The following RIMS2 variants were observed in gnomAD, a reference collection of about 807,000 sequenced individuals.
The protein encoded by RIMS2 is regulating synaptic membrane exocytosis protein 2.
Under a neutral mutation model 174.4 loss-of-function variants are expected in RIMS2, and 59 were observed. The observed-to-expected ratio is 0.34, with a 90% CI of 0.27 to 0.42. The LOEUF is 0.42. Ranked by LOEUF, RIMS2 falls within the 10% of genes least tolerant of loss-of-function variation. The pLI is 1.00. For synonymous variants in RIMS2, 606 were observed against 572.5 expected (o/e 1.06, Z -0.84); for missense variants, 1,620 against 1,666.3 (o/e 0.97, Z 0.48).
At chr8:103,849,656 T>C (rs183742402) in intron 3 of RIMS2, among the ~76,000 whole-genome samples, 2 of 151,984 alleles carry the variant, frequency 1.3e-5, no homozygotes, top group East Asian at 3.9e-4. Context: ...CCAGTGGAGG[T>C]GACTTCTGTT....
exon 4 of RIMS2, chr8:103,885,853 T>C (rs767938442): frequency 6.2e-7 from 1 of 1,612,904 alleles, no homozygotes; most frequent in South Asian, 1.1e-5. Flanking sequence ...CTCGAGAGGC[T>C]CAGGGACCAA....
chr8:103,778,994 A>G (rs1331456439), intron 3 of RIMS2, among the ~76,000 whole-genome samples: 1 of 152,130 alleles, frequency 6.6e-6, no homozygotes, highest in Non-Finnish European at 1.5e-5. Flanking sequence ...TTCTCTGATT[A>G]TTAGTGATGT....
At chr8:103,752,926 T>G (rs572083285) in intron 2 of RIMS2, among the ~76,000 whole-genome samples, 89 of 152,186 alleles carry the variant, frequency 5.8e-4, no homozygotes, top group Non-Finnish European at 1.1e-3. Context: ...TACCTTTTAT[T>G]TCCTTCTCCT....
At chr8:103,596,650 TA>T (rs2094489641) in intron 1 of RIMS2, among the ~76,000 whole-genome samples, 1 of 152,098 alleles carries the variant, frequency 6.6e-6, no homozygotes, top group Non-Finnish European at 1.5e-5. Context: ...CACTACCATG[TA>T]CTCCTTGTAC....
chr8:103,981,124 C>G (rs1376559013), intron 16 of RIMS2, among the ~76,000 whole-genome samples: 1 of 152,158 alleles, frequency 6.6e-6, no homozygotes, highest in African/African-American at 2.4e-5. Context: ...CGGCCTTGGG[C>G]AAGACCCAAT....
At chr8:103,747,063 A>G (rs1283592311) in intron 2 of RIMS2, among the ~76,000 whole-genome samples, 1 of 144,444 alleles carries the variant, frequency 6.9e-6, no homozygotes, top group Non-Finnish European at 1.5e-5. Flanking sequence ...TGCAAAGGAC[A>G]TGATCTTCTT....
chr8:104,084,327 G>C (rs568755078), intron 19 of RIMS2, among the ~76,000 whole-genome samples: 1 of 150,162 alleles, frequency 6.7e-6, no homozygotes, highest in Non-Finnish European at 1.5e-5. Context: ...TGTAATCCCA[G>C]CTACTTGGGA....
At chr8:103,620,645 G>A (rs938283446) in intron 1 of RIMS2, among the ~76,000 whole-genome samples, 1 of 151,446 alleles carries the variant, frequency 6.6e-6, no homozygotes, top group African/African-American at 2.4e-5. Context: ...ACCTAGTCCC[G>A]ATTCTTAGTT....
chr8:103,541,350 A>G (rs542126760), intron 1 of RIMS2, among the ~76,000 whole-genome samples: 1 of 152,374 alleles, frequency 6.6e-6, no homozygotes, highest in South Asian at 2.1e-4. Context: ...AAAGTGCTGA[A>G]GGAAGTATCT....
chr8:104,200,635 G>C (rs1034931740), intron 19 of RIMS2, among the ~76,000 whole-genome samples: 2 of 152,226 alleles, frequency 1.3e-5, no homozygotes, highest in African/African-American at 4.8e-5. Context: ...GAGGCCGGGC[G>C]TGGCGCTCAC....
chr8:104,040,160 A>T (rs1402829551), intron 19 of RIMS2, among the ~76,000 whole-genome samples: 1 of 151,706 alleles, frequency 6.6e-6, no homozygotes, highest in Non-Finnish European at 1.5e-5. Context: ...CTAAAGAGCT[A>T]TAATTTTAAT....
intron 19 of RIMS2, among the ~76,000 whole-genome samples, chr8:104,242,617 A>G (rs1206807381): frequency 1.3e-5 from 2 of 152,158 alleles, no homozygotes; most frequent in African/African-American, 4.8e-5. Context: ...AACTTTCTTG[A>G]ACAATAGTCC....
At chr8:103,756,390 G>GGT (rs567212258) in intron 2 of RIMS2, among the ~76,000 whole-genome samples, 16,403 of 112,372 alleles carry the variant, frequency 0.15, 1,230 homozygotes, top group Non-Finnish European at 0.2. Flanking sequence ...TGTTGTTTTT[G>GGT]TTTTTTTTTT....
intron 19 of RIMS2, among the ~76,000 whole-genome samples, chr8:104,098,980 C>T (rs1403587101): frequency 1.3e-5 from 2 of 152,128 alleles, no homozygotes. Flanking sequence ...TCTATTTTGT[C>T]TATCTAGGCT....
chr8:103,799,264 T>A (rs930413457), intron 3 of RIMS2, among the ~76,000 whole-genome samples: 4 of 152,196 alleles, frequency 2.6e-5, no homozygotes, highest in African/African-American at 9.7e-5. Flanking sequence ...GACAACAAAC[T>A]TGTGTTTTGA....
chr8:103,899,659 T>C (rs1267092391), intron 4 of RIMS2, among the ~76,000 whole-genome samples: 1 of 151,628 alleles, frequency 6.6e-6, no homozygotes, highest in Non-Finnish European at 1.5e-5. Context: ...TTTTCTCCCA[T>C]TCTGTAGGTT....
chr8:103,864,402 GA>G (rs2154503429), intron 3 of RIMS2, among the ~76,000 whole-genome samples: 1 of 152,186 alleles, frequency 6.6e-6, no homozygotes, highest in East Asian at 1.9e-4. Flanking sequence ...TCAAAAAGTT[GA>G]TTTCTGTGTT....
intron 1 of RIMS2, among the ~76,000 whole-genome samples, chr8:103,507,367 CAAAG>C (rs1329909926): frequency 2.6e-5 from 4 of 152,084 alleles, no homozygotes; most frequent in Non-Finnish European, 5.9e-5. Context: ...ATTATCAACT[CAAAG>C]AGAGCACACA....
intron 1 of RIMS2, among the ~76,000 whole-genome samples, chr8:103,612,831 A>G (rs886689539): frequency 1.3e-5 from 2 of 152,152 alleles, no homozygotes; most frequent in Non-Finnish European, 1.5e-5. Flanking sequence ...CAGCCTCCAA[A>G]GTGCTGGGAT....
Sources: gnomAD v4.1 joint callset for allele counts (sites outside exome capture counted in the v4.1 genomes callset) on GRCh38, gnomAD v4.1.1 for gene constraint, MANE v1.5 for transcripts, NCBI Gene and HGNC (gene_info 2026-07-23, HGNC 2026-07-21) for gene names.